The following KLHL13 variants were observed in gnomAD, a reference collection of about 807,000 sequenced individuals.
KLHL13 encodes the protein kelch like family member 13.
KLHL13 carries 10 observed loss-of-function variants against 37.1 expected under a neutral mutation model. That is an observed-to-expected ratio of 0.27 (90% CI 0.17 to 0.46). The LOEUF (loss-of-function observed/expected upper bound fraction) is 0.46. Ranked by LOEUF, KLHL13 falls within the 20% of genes least tolerant of loss-of-function variation. The probability of loss-of-function intolerance (pLI) is 1.00; values close to 1 mark genes in which losing one functional copy is unlikely to be tolerated. For synonymous variants in KLHL13, 163 were observed against 181.2 expected, an observed-to-expected ratio of 0.90 and a Z score of 0.81; for missense variants, 360 against 509.3, an observed-to-expected ratio of 0.71 and a Z score of 2.82.
intron 1 of KLHL13, among the ~76,000 whole-genome samples, chrX:117,997,559 A>T (rs959429439): frequency 6.2e-5 from 7 of 112,458 alleles, no homozygotes; most frequent in African/African-American, 2.3e-4. Context: ...ATTTAAGAAT[A>T]TAAGGATGAA....
intron 1 of KLHL13, among the ~76,000 whole-genome samples, chrX:118,031,448 T>C (rs1346979979): frequency 3.3e-5 from 3 of 90,921 alleles, no homozygotes; most frequent in Middle Eastern, 5.2e-3. Flanking sequence ...TATTTAGATA[T>C]ATATATAGAT....
intron 4 of KLHL13, among the ~76,000 whole-genome samples, chrX:117,912,962 A>T (rs1486363239): frequency 8.9e-6 from 1 of 112,096 alleles, no homozygotes; most frequent in African/African-American, 3.2e-5. Context: ...CAAATTACTA[A>T]AACCTTATTA....
At position 117,964,660 on chromosome X, in the gene KLHL13, A is replaced by G. The variant is rs774310212; in HGVS notation, c.98+8071T>C. On this transcript the variant is annotated intron_variant, in intron 1 of 6. Transcript: ENST00000262820. ...GTGCAGCTTTGTTACATATGTATAC[A>G]TGTGCCATGTTGGTGTGCTGCACCC... is the stretch of plus-strand genomic sequence containing the variant. 2.7e-5 allele frequency among the ~76,000 whole-genome samples: 3 copies of G among 111,736 alleles called. No individual in the cohort carries two copies. The East Asian group carries it at 8.5e-4, about 32-fold the overall frequency.
rs2054341473 is a variant in KLHL13 at position 118,031,498 on chromosome X, T to TATATATATAGATATATATATTTAG, written c.-56+85009_-56+85010insCTAAATATATATATCTATATATAT. On this transcript the variant is annotated intron_variant, in intron 1 of 6. Transcript: ENST00000371882. ...ATATATATAGATATATATATTTAGA[T>TATATATATAGATATATATATTTAG]ATATATATATACACACACATATATA... Among the ~76,000 whole-genome samples the TATATATATAGATATATATATTTAG allele has an allele frequency of 1.1e-4, 10 of 92,088 alleles. 1 individual carries two copies. Among genetic ancestry groups the TATATATATAGATATATATATTTAG allele is most frequent in the African/African-American group, 3.2e-4 (7 of 22,219 alleles). 80.0% of individuals were successfully genotyped at this position (92,088 alleles called of 115,157 possible). A position where few individuals can be genotyped will look rare whatever the true frequency, so the allele number is the denominator to read the frequency against.
chrX:118,075,609 C>T (rs1329335764), intron 1 of KLHL13, among the ~76,000 whole-genome samples: 2 of 110,900 alleles, frequency 1.8e-5, no homozygotes, highest in Non-Finnish European at 3.8e-5. Flanking sequence ...TTGCTTGGTG[C>T]AAGACCTGCC....
At chrX:118,070,885 C>T (rs7888488) in intron 1 of KLHL13, among the ~76,000 whole-genome samples, 21,638 of 108,122 alleles carry the variant, frequency 0.2, 3,371 homozygotes, top group African/African-American at 0.53. Flanking sequence ...TAGGTATATC[C>T]CCCAATGCTA....
chrX:117,920,247 T>G, exon 3 of KLHL13: 1 of 1,209,258 alleles, frequency 8.3e-7, no homozygotes, highest in Non-Finnish European at 1.1e-6. Context: ...CCTGTGAACA[T>G]AGCCTTGAAG....
intron 1 of KLHL13, among the ~76,000 whole-genome samples, chrX:118,104,048 TA>T (rs60645250): frequency 0.037 from 1,553 of 42,448 alleles, 41 homozygotes; most frequent in African/African-American, 0.089. Context: ...TCATTTCCAC[TA>T]AAAAAAAAAA....
chrX:117,985,405 T>A, intron 1 of KLHL13: 1 of 947,271 alleles, frequency 1.1e-6, no homozygotes, highest in East Asian at 4.0e-5. Context: ...GGTACAACAC[T>A]TCAGTTGTAG....
intron 1 of KLHL13, among the ~76,000 whole-genome samples, chrX:118,034,289 T>G: frequency 9.6e-6 from 1 of 103,962 alleles, no homozygotes; most frequent in South Asian, 4.4e-4. Flanking sequence ...AGAATATACA[T>G]TCTTTTCAGC....
intron 1 of KLHL13, among the ~76,000 whole-genome samples, chrX:118,107,313 C>T (rs1438645187): frequency 1.8e-5 from 2 of 111,765 alleles, no homozygotes; most frequent in African/African-American, 6.5e-5. Flanking sequence ...CCAACATTCA[C>T]CATAAACTTT....
rs776488473 is a variant in KLHL13, at chrX:118,021,464, C to G, written c.-55-75889G>C. 1.4e-3 allele frequency among the ~76,000 whole-genome samples: 157 copies of G among 108,572 alleles called. 2 individuals carry two copies. Among genetic ancestry groups the G allele is most frequent in the African/African-American group, 5.1e-3 (152 of 29,656 alleles). The allele number at this position is 108,572 out of a possible 115,157, so 94.3% of individuals were successfully genotyped here. A position where few individuals can be genotyped will look rare whatever the true frequency, so the allele number is the denominator to read the frequency against. On this transcript the variant is annotated intron_variant, in intron 1 of 6. Coordinates refer to the KLHL13 transcript ENST00000371882. ...TCCAAGTGTTCTCATTGTTCAATTC[C>G]CACCTATGAGTGAGAACATGCGGTG...
chrX:118,042,938 G>C (rs1229652977), intron 1 of KLHL13, among the ~76,000 whole-genome samples: 1 of 105,056 alleles, frequency 9.5e-6, no homozygotes, highest in Non-Finnish European at 2.0e-5. Flanking sequence ...AAATACAAAA[G>C]ATCAACAAAA....
At chrX:118,053,813 GA>G (rs1355267362) in intron 1 of KLHL13, among the ~76,000 whole-genome samples, 28 of 39,464 alleles carry the variant, frequency 7.1e-4, no homozygotes, top group African/African-American at 2.6e-3. Context: ...GAGAGAGAGA[GA>G]GAGAGGAGAG....
chrX:117,969,403 A>G (rs772343043), intron 1 of KLHL13, among the ~76,000 whole-genome samples: 1 of 111,991 alleles, frequency 8.9e-6, no homozygotes, highest in African/African-American at 3.2e-5. Context: ...CTTAGATGTG[A>G]TTGCTCTTTC....
chrX:118,099,042 T>C (rs192989784), intron 1 of KLHL13, among the ~76,000 whole-genome samples: 20 of 106,167 alleles, frequency 1.9e-4, no homozygotes, highest in Non-Finnish European at 3.1e-4. Context: ...CACACCAACA[T>C]TGCACATGTA....
At chrX:118,077,860 A>C (rs1349377889) in intron 1 of KLHL13, among the ~76,000 whole-genome samples, 1 of 111,682 alleles carries the variant, frequency 9.0e-6, no homozygotes, top group Admixed American at 9.6e-5. Context: ...TTTGCTAGTG[A>C]GGCATTGTTT....
chrX:117,943,118 G>C (rs1014604559), intron 2 of KLHL13, among the ~76,000 whole-genome samples: 3 of 111,523 alleles, frequency 2.7e-5, no homozygotes, highest in Non-Finnish European at 5.6e-5. Context: ...ATTCTGGGTT[G>C]AAAATTCTTT....
At chrX:117,967,550 G>C (rs1213558141) in intron 1 of KLHL13, among the ~76,000 whole-genome samples, 1 of 111,361 alleles carries the variant, frequency 9.0e-6, no homozygotes, top group African/African-American at 3.3e-5. Flanking sequence ...TCCCTCTGTA[G>C]AAAGTGGTTT....
Sources: gnomAD v4.1 joint callset for allele counts (sites outside exome capture counted in the v4.1 genomes callset) on GRCh38, gnomAD v4.1.1 for gene constraint, MANE v1.5 for transcripts, NCBI Gene and HGNC (gene_info 2026-07-23, HGNC 2026-07-21) for gene names.